The following SEC23IP variants were observed in gnomAD, a reference collection of about 807,000 sequenced individuals.
SEC23IP encodes SEC23-interacting protein.
In SEC23IP, 70 loss-of-function variants were observed where a neutral mutation model predicts 113.4. That is an observed-to-expected ratio of 0.62 (90% CI 0.51 to 0.75). The LOEUF is 0.75. Among genes scored for constraint, SEC23IP ranks in the 30% least tolerant of loss-of-function variants. The pLI is 0.00. For missense variants in SEC23IP, 1,160 were observed against 1,204.9 expected (o/e 0.96, Z 0.55); for synonymous variants, 398 against 421.0 (o/e 0.95, Z 0.67).
At position 119,917,452 on chromosome 10, in the gene SEC23IP, C is replaced by T. The variant is rs1855090574; in HGVS notation, c.1545-384C>T. On this transcript the variant is annotated intron_variant, in intron 8 of 18. Transcript: ENST00000369075. ...GGAATGCAGTGGTGCAGTCTCAGCTCACTGCAACCTCTGCCTTTCAGGTTC... is the reference window on the plus strand; with the variant it reads ...GGAATGCAGTGGTGCAGTCTCAGCTTACTGCAACCTCTGCCTTTCAGGTTC... Among the ~76,000 whole-genome samples, 3 of 151,298 alleles carry T rather than the reference C, an allele frequency of 2.0e-5. No individual in the cohort carries two copies. In the Middle Eastern group the frequency reaches 0.01, roughly 518 times the overall value.
At chr10:119,923,617 C>T (rs554642141) in intron 12 of SEC23IP, among the ~76,000 whole-genome samples, 2 of 150,722 alleles carry the variant, frequency 1.3e-5, no homozygotes, top group African/African-American at 2.4e-5. Context: ...GGCACGATCT[C>T]GGCTCACTGC....
chr10:119,937,344 C>T (rs1053522771), intron 18 of SEC23IP, among the ~76,000 whole-genome samples: 6 of 151,874 alleles, frequency 4.0e-5, no homozygotes, highest in South Asian at 2.1e-4. Context: ...CGTAGCCCTA[C>T]GCTGGGCATG....
Position 119,915,873 on chromosome 10 carries a change from G to A in SEC23IP, c.1528G>A (p.Ala510Thr), listed in dbSNP as rs772731225. The change falls in exon 8 of 19, where the codon GCC becomes ACC. Residue 510 changes from alanine (A) to threonine (T), a missense_variant. Ala to Thr is a moderately conservative substitution (Grantham distance 58). Coordinates refer to ENST00000369075, the MANE Select transcript of SEC23IP (RefSeq NM_007190.4). The part of the protein sequence containing the change: ...VHWHSSLGGD[A>T]TGVDRNIKKI... ...TTGGCATAGTTCTTTGGGTGGGGAC[G>A]CCACAGGTGTGGACAGGTTTGTGGA... is the stretch of plus-strand genomic sequence containing the variant. 18 of 1,569,932 alleles carry A rather than the reference G, an allele frequency of 1.1e-5. No homozygotes were observed. The highest frequency in any genetic ancestry group is 1.1e-4 in the East Asian group (5 of 43,894).
chr10:119,922,764 A>G (rs1000627815), intron 12 of SEC23IP, among the ~76,000 whole-genome samples: 2 of 152,188 alleles, frequency 1.3e-5, no homozygotes, highest in African/African-American at 4.8e-5. Flanking sequence ...GGTATCTTTC[A>G]TGTCATTTTT....
intron 18 of SEC23IP, among the ~76,000 whole-genome samples, chr10:119,939,823 G>A (rs1486774945): frequency 6.6e-6 from 1 of 152,078 alleles, no homozygotes; most frequent in African/African-American, 2.4e-5. Context: ...AGCATCTCGA[G>A]AGGCTGGGAC....
At chr10:119,924,410 G>C (rs201497997) in intron 12 of SEC23IP, among the ~76,000 whole-genome samples, 6 of 151,482 alleles carry the variant, frequency 4.0e-5, no homozygotes, top group South Asian at 2.1e-4. Flanking sequence ...CTTTTCTCTC[G>C]TTATAGAGAT....
At chr10:119,896,921 G>A (rs185424548) in intron 1 of SEC23IP, among the ~76,000 whole-genome samples, 14 of 152,200 alleles carry the variant, frequency 9.2e-5, no homozygotes, top group African/African-American at 3.1e-4. Flanking sequence ...ACAAGGCCTT[G>A]TGCAGCAAGG....
chr10:119,893,514 C>CTTTTTTTTTTTTTTTTTTTTT, intron 1 of SEC23IP, among the ~76,000 whole-genome samples: 1 of 85,338 alleles, frequency 1.2e-5, no homozygotes, highest in Non-Finnish European at 2.2e-5. Flanking sequence ...CATTCCTTAT[C>CTTTTTTTTTTTTTTTTTTTTT]TTTTTTTTTT....
Position 119,918,425 on chromosome 10 carries a change from CA to C in SEC23IP, c.1791del (p.Asp598IlefsTer2). 1 of 1,611,522 alleles carries C rather than the reference CA, an allele frequency of 6.2e-7. No individual in the cohort carries two copies. Among genetic ancestry groups the C allele is most frequent in the Non-Finnish European group, 8.5e-7 (1 of 1,177,746 alleles). ...SLILFDILSN[Q>X]KDLNLSKCPG... ...AATATTGTTTGACATCCTGTCTAATCAAAAAGATTTGAATTTATCAAAGTGC... is the reference window on the plus strand; with the variant it reads ...AATATTGTTTGACATCCTGTCTAATCAAAAGATTTGAATTTATCAAAGTGC... On this transcript the variant is annotated frameshift_variant, in exon 10 of 19. Coordinates refer to ENST00000369075, the MANE Select transcript of SEC23IP (RefSeq NM_007190.4). LOFTEE classifies it high-confidence loss of function.
intron 4 of SEC23IP, among the ~76,000 whole-genome samples, chr10:119,905,224 A>G (rs143003318): frequency 8.5e-5 from 13 of 152,292 alleles, no homozygotes; most frequent in African/African-American, 1.2e-4. Flanking sequence ...GCTGATATCT[A>G]TAGCTTAATT....
intron 12 of SEC23IP, among the ~76,000 whole-genome samples, chr10:119,923,020 A>G (rs1386047522): frequency 6.6e-6 from 1 of 151,980 alleles, no homozygotes; most frequent in Non-Finnish European, 1.5e-5. Flanking sequence ...AAAACAAAAA[A>G]AACAAGAAAT....
At chr10:119,911,340 G>C (rs1415251574) in intron 5 of SEC23IP, among the ~76,000 whole-genome samples, 2 of 151,210 alleles carry the variant, frequency 1.3e-5, no homozygotes, top group East Asian at 3.9e-4. Context: ...TGCCCAGGCT[G>C]CTCTGGAACT....
chr10:119,942,232 G>A lies in SEC23IP; in HGVS notation c.*1667G>A, dbSNP rs1855985444. 6.6e-6 allele frequency: 1 copy of A among 152,182 alleles called. No homozygotes were observed. The highest frequency in any genetic ancestry group is 1.5e-5 in the Non-Finnish European group (1 of 68,040). 9.4% of individuals were successfully genotyped at this position (152,182 alleles called of 1,614,324 possible). A position where few individuals can be genotyped will look rare whatever the true frequency, so the allele number is the denominator to read the frequency against. ...GGGTTCGTAGAAGAAGCATGTGGCA[G>A]CTGAGTGGCAGCAGTCTTGCCCTTT... On this transcript the variant is annotated 3_prime_UTR_variant, in exon 19 of 19. Transcript: ENST00000369075.
Position 119,918,018 on chromosome 10 carries a change from G to T in SEC23IP, c.1727G>T (p.Gly576Val). ...AGTCGGAACCCAGACTTCAAAGGAG[G>T]TGTCTCTGTTGCTGGTCACAGTTTA... ...FMSRNPDFKG[G>V]VSVAGHSLGS... Residue 576 changes from glycine (G) to valine (V), a missense_variant, in exon 9 of 19, where the codon GGT becomes GTT. Gly to Val is a moderately radical substitution (Grantham distance 109). Transcript: ENST00000369075. 6.2e-7 allele frequency: 1 copy of T among 1,613,922 alleles called. No homozygotes were observed. The highest frequency in any genetic ancestry group is 8.5e-7 in the Non-Finnish European group (1 of 1,179,880).
chr10:119,904,137 GT>G lies in SEC23IP; in HGVS notation c.964del (p.Tyr322ThrfsTer6). 1.9e-6 allele frequency: 3 copies of G among 1,614,248 alleles called. No individual in the cohort carries two copies. The highest frequency in any genetic ancestry group is 2.5e-6 in the Non-Finnish European group (3 of 1,180,046). ...VLGTDGGRYD[V>X]YLYDRIRKAA... is the part of the protein sequence containing the mutation. ...TGGCACGGATGGAGGGCGCTACGATGTTTACCTCTATGACCGAATAAGGAAG... is the reference window on the plus strand; with the variant it reads ...TGGCACGGATGGAGGGCGCTACGATGTTACCTCTATGACCGAATAAGGAAG... On this transcript the variant is annotated frameshift_variant, in exon 4 of 19. Coordinates refer to ENST00000369075, the MANE Select transcript of SEC23IP (RefSeq NM_007190.4). LOFTEE classifies it high-confidence loss of function.
chr10:119,929,077 A>G (rs1172531037), intron 13 of SEC23IP, among the ~76,000 whole-genome samples: 2 of 152,240 alleles, frequency 1.3e-5, no homozygotes, highest in African/African-American at 4.8e-5. Flanking sequence ...ATTCAGACCC[A>G]GGCAGTTTGA....
chr10:119,921,338 T>A (rs1396419143), intron 12 of SEC23IP, among the ~76,000 whole-genome samples: 1 of 152,214 alleles, frequency 6.6e-6, no homozygotes, highest in African/African-American at 2.4e-5. Context: ...TGTATTTGGT[T>A]TTATTCATTT....
At position 119,929,525 on chromosome 10, in the gene SEC23IP, C is replaced by T. The variant is rs548339261; in HGVS notation, c.2314-82C>T. 111 of 1,245,260 alleles carry T rather than the reference C, an allele frequency of 8.9e-5. 2 individuals are homozygous for T. The East Asian group carries it at 9.4e-4, about 10-fold the overall frequency. The allele number at this position is 1,245,260 out of a possible 1,614,324, so 77.1% of individuals were successfully genotyped here. The stretch of plus-strand genomic sequence containing the variant: ...CTGGGATTACAGGCATGAGCCACCA[C>T]GCCCGGCCTGAAAATTCAAAAGAAT... On this transcript the variant is annotated intron_variant, in intron 13 of 18. Coordinates refer to ENST00000369075, the MANE Select transcript of SEC23IP (RefSeq NM_007190.4).
chr10:119,898,357 TC>T (rs1190867995), intron 1 of SEC23IP, 69 bp from the exon 2 acceptor site: 3 of 1,467,658 alleles, frequency 2.0e-6, no homozygotes, highest in Non-Finnish European at 2.7e-6. Context: ...TGCTAGCCCT[TC>T]CTTATAGAAT....
Sources: gnomAD v4.1 joint callset for allele counts (sites outside exome capture counted in the v4.1 genomes callset) on GRCh38, gnomAD v4.1.1 for gene constraint, MANE v1.5 for transcripts, NCBI Gene and HGNC (gene_info 2026-07-23, HGNC 2026-07-21) for gene names.